ZNF552: variants seen among roughly 807,000 people sequenced by gnomAD.
The protein encoded by ZNF552 is zinc finger protein 552.
In ZNF552, 2 loss-of-function variants were observed where a neutral mutation model predicts 7.2. The ratio of observed to expected loss-of-function variants is 0.28; its 90% confidence interval spans 0.11 to 0.88. ZNF552 has a LOEUF of 0.88. Ranked by LOEUF, ZNF552 falls within the 40% of genes least tolerant of loss-of-function variation. The pLI is 0.60. For missense variants in ZNF552, 421 were observed against 493.4 expected (o/e 0.85, Z 1.39); for synonymous variants, 173 against 176.5 (o/e 0.98, Z 0.16).
intron 1 of ZNF552, among the ~76,000 whole-genome samples, chr19:57,813,957 T>C (rs1987907328): frequency 1.5e-5 from 2 of 136,188 alleles, no homozygotes; most frequent in African/African-American, 5.8e-5. Flanking sequence ...TTGGTCAGGC[T>C]GGTCTCTACC....
rs774026257 is a variant in ZNF552, at chr19:57,808,810, C to T, written c.454G>A (p.Glu152Lys). The change falls in exon 3 of 3, where the codon GAG becomes AAG. Residue 152 changes from glutamate (E) to lysine (K), a missense_variant. Physicochemically the swap from Glu to Lys is moderately conservative, Grantham distance 56 (BLOSUM62 1). This residue lies in a region of ZNF552 where 122 missense variants were observed against 199.7 expected (regional missense o/e 0.61). Transcript: ENST00000391701. The part of the protein sequence containing the change: ...IGEKPYRGSV[E>K]EALFAKRCKL... ...CACCTCTTCGCAAACAACGCCTCCT[C>T]AACACTCCCTCTGTAGGGTTTCTCT... The T allele has an allele frequency of 3.1e-6, 5 of 1,614,160 alleles. No individual in the cohort carries two copies. The highest frequency in any genetic ancestry group is 4.2e-6 in the Non-Finnish European group (5 of 1,180,044).
At chr19:57,810,609 C>T (rs1156766991) in intron 2 of ZNF552, among the ~76,000 whole-genome samples, 1 of 152,152 alleles carries the variant, frequency 6.6e-6, no homozygotes, top group Non-Finnish European at 1.5e-5. Context: ...GACCCAGGGA[C>T]ACAAAACACT....
intron 2 of ZNF552, 180 bp from the exon 3 acceptor site, chr19:57,809,283 T>C: frequency 1.4e-6 from 2 of 1,443,034 alleles, no homozygotes; most frequent in Non-Finnish European, 9.5e-7. Context: ...GGTCACAGAA[T>C]GTAGGAGGCC....
Position 57,807,264 on chromosome 19 carries a change from A to G in ZNF552, c.*776T>C, listed in dbSNP as rs562648189. On this transcript the variant is annotated 3_prime_UTR_variant, in exon 3 of 3. Coordinates refer to ENST00000391701, the MANE Select transcript of ZNF552 (RefSeq NM_024762.3). The stretch of plus-strand genomic sequence containing the variant: ...ACTCTGATGATGGTTTCATGGGATT[A>G]TAAGAAAATTCAAGCCAGGAGCAGT... 1 of 152,332 alleles carries G rather than the reference A, an allele frequency of 6.6e-6. No individual in the cohort carries two copies. Among genetic ancestry groups the G allele is most frequent in the South Asian group, 2.1e-4 (1 of 4,824 alleles). 9.4% of individuals were successfully genotyped at this position (152,332 alleles called of 1,614,324 possible).
chr19:57,814,694 G>C lies in ZNF552; in HGVS notation c.33+17C>G. 6.2e-7 allele frequency: 1 copy of C among 1,614,122 alleles called. No individual in the cohort carries two copies. The highest frequency in any genetic ancestry group is 8.5e-7 in the Non-Finnish European group (1 of 1,180,012). ...GACTAGGAGGTGACCGGAGAGCACGGAAGGCGCCACAATTACCTGAACGGG... is the reference window on the plus strand; with the variant it reads ...GACTAGGAGGTGACCGGAGAGCACGCAAGGCGCCACAATTACCTGAACGGG... On this transcript the variant is annotated intron_variant, in intron 1 of 2. Transcript: ENST00000391701.
intron 2 of ZNF552, among the ~76,000 whole-genome samples, chr19:57,812,898 C>T (rs554139276): frequency 6.6e-6 from 1 of 152,244 alleles, no homozygotes; most frequent in African/African-American, 2.4e-5. Context: ...GACGGTATTA[C>T]AAGAACAGTC....
chr19:57,808,663 A>G lies in ZNF552; in HGVS notation c.601T>C (p.Cys201Arg), dbSNP rs1199983227. ...HTGKSNSKTECVSLFHGGKSH... is the reference protein window; with the variant it reads ...HTGKSNSKTERVSLFHGGKSH... ...TTTCCCCCATGAAACAGAGACACAC[A>G]CTCAGTTTTGCTGTTTGACTTCCCA... Residue 201 changes from cysteine to arginine, a missense_variant, in exon 3 of 3, where the codon TGT becomes CGT. By Grantham distance (180) the Cys-to-Arg change is radical (BLOSUM62 -3). This residue lies in a region of ZNF552 where 299 missense variants were observed against 293.7 expected (regional missense o/e 1.02). Transcript: ENST00000391701. 3.7e-6 allele frequency: 6 copies of G among 1,614,150 alleles called. No individual in the cohort carries two copies. The highest frequency in any genetic ancestry group is 5.1e-6 in the Non-Finnish European group (6 of 1,180,022).
rs1987775496 is a variant in ZNF552, at chr19:57,808,094, C to T, written c.1170G>A (p.Arg390=). 1.9e-6 allele frequency: 3 copies of T among 1,613,890 alleles called. No homozygotes were observed. The highest frequency in any genetic ancestry group is 2.5e-6 in the Non-Finnish European group (3 of 1,179,970). ...YGCSECEKKF[R]QISSLRHHQR... ...GATGATGACGAAGTGAAGAGATTTG[C>T]CTAAATTTTTTTTCACATTCACTGC... is the stretch of plus-strand genomic sequence containing the variant. Residue 390 remains arginine (R), a synonymous_variant, in exon 3 of 3, where the codon AGG becomes AGA. Coordinates refer to ENST00000391701, the MANE Select transcript of ZNF552 (RefSeq NM_024762.3).
intron 2 of ZNF552, among the ~76,000 whole-genome samples, chr19:57,810,323 T>C (rs1987829776): frequency 6.6e-6 from 1 of 151,944 alleles, no homozygotes; most frequent in Non-Finnish European, 1.5e-5. Context: ...TACAAAATAT[T>C]AGCCTTTGGG....
rs372496770 is a variant in ZNF552, at chr19:57,811,089, G to A, written c.161-1986C>T. ...TGATCAGTAAATACTGAAGGAACTC[G>A]GAGACTGGTGGCGGCAGGGGGAAGG... On this transcript the variant is annotated intron_variant, in intron 2 of 2. Coordinates refer to ENST00000391701, the MANE Select transcript of ZNF552 (RefSeq NM_024762.3). Among the ~76,000 whole-genome samples the A allele has an allele frequency of 6.6e-3, 1,009 of 152,216 alleles. 13 individuals carry two copies. The highest frequency in any genetic ancestry group is 0.023 in the African/African-American group (963 of 41,522).
chr19:57,813,195 T>C (rs1185225975), intron 2 of ZNF552, 99 bp downstream of exon 2: 192 of 1,558,746 alleles, frequency 1.2e-4, no homozygotes, highest in Non-Finnish European at 7.8e-6. Context: ...AGTAGGAAGC[T>C]GTGTCCATGC....
At chr19:57,809,323 T>C in intron 2 of ZNF552, 3 of 1,029,670 alleles carry the variant, frequency 2.9e-6, no homozygotes, top group Non-Finnish European at 4.4e-6. Flanking sequence ...ACCATGTATG[T>C]AACACAGGGA....
At chr19:57,812,713 C>A (rs536944463) in intron 2 of ZNF552, among the ~76,000 whole-genome samples, 1 of 152,170 alleles carries the variant, frequency 6.6e-6, no homozygotes, top group Admixed American at 6.5e-5. Flanking sequence ...GGATTAAAAG[C>A]GTGTGCCACC....
Position 57,808,102 on chromosome 19 carries a change from T to C in ZNF552, c.1162A>G (p.Lys388Glu), listed in dbSNP as rs1436687559. Reference sequence around the variant, plus strand: ...CGAAGTGAAGAGATTTGCCTAAATTTTTTTTCACATTCACTGCACCCGTAA... The same window carrying C: ...CGAAGTGAAGAGATTTGCCTAAATTCTTTTTCACATTCACTGCACCCGTAA... ...KPYGCSECEKKFRQISSLRHH... is the reference protein window; with the variant it reads ...KPYGCSECEKEFRQISSLRHH... Residue 388 changes from lysine to glutamate, a missense_variant, in exon 3 of 3, where the codon AAA (lysine) becomes GAA (glutamate). Physicochemically the swap from Lys to Glu is moderately conservative, Grantham distance 56 (BLOSUM62 1). Coordinates refer to ENST00000391701, the MANE Select transcript of ZNF552 (RefSeq NM_024762.3). 1 of 1,614,072 alleles carries C rather than the reference T, an allele frequency of 6.2e-7. No individual in the cohort carries two copies.
intron 2 of ZNF552, among the ~76,000 whole-genome samples, chr19:57,810,245 G>A (rs993157278): frequency 2.6e-5 from 4 of 152,004 alleles, no homozygotes; most frequent in East Asian, 1.9e-4. Flanking sequence ...AGAGCTGGGC[G>A]GATCACCTGA....
intron 1 of ZNF552, chr19:57,814,417 CT>C (rs1987917796): frequency 3.5e-6 from 4 of 1,159,372 alleles, no homozygotes; most frequent in Non-Finnish European, 4.9e-6. Context: ...AGCCTCCTTG[CT>C]TTTCCAGGAG....
At chr19:57,812,225 A>T (rs1466467823) in intron 2 of ZNF552, among the ~76,000 whole-genome samples, 1 of 151,898 alleles carries the variant, frequency 6.6e-6, no homozygotes, top group Non-Finnish European at 1.5e-5. Flanking sequence ...CAAAACCAAA[A>T]ACAAGAATGA....
Position 57,813,336 on chromosome 19 carries a change from G to A in ZNF552, c.118C>T (p.Arg40Cys), listed in dbSNP as rs747797129. The A allele has an allele frequency of 1.1e-4, 173 of 1,613,934 alleles. No individual in the cohort carries two copies. The highest frequency in any genetic ancestry group is 1.5e-4 in the African/African-American group (11 of 74,862). ...GCCAGGTTCTCCAGCGTCACATCAC[G>A]GTACAGGCATCTCTGAGCCTCACTA... ...LLSEAQRCLY[R>C]DVTLENLALM... The change falls in exon 2 of 3, where the codon CGT becomes TGT. Residue 40 changes from arginine to cysteine, a missense_variant. Coordinates refer to ENST00000391701, the MANE Select transcript of ZNF552 (RefSeq NM_024762.3).
chr19:57,814,150 C>A (rs1319317281), intron 1 of ZNF552, among the ~76,000 whole-genome samples: 1 of 152,130 alleles, frequency 6.6e-6, no homozygotes, highest in African/African-American at 2.4e-5. Context: ...GCTCAGGCCT[C>A]CCTGAACGCT....
Sources: allele counts gnomAD v4.1 joint callset (sites outside exome capture counted in the v4.1 genomes callset), GRCh38; gene constraint gnomAD v4.1.1; regional missense constraint gnomAD v4.1.1; transcripts MANE v1.5; gene names NCBI Gene and HGNC (gene_info 2026-07-23, HGNC 2026-07-21).